The following GALNTL6 variants were observed in gnomAD, a reference collection of about 807,000 sequenced individuals.
GALNTL6 encodes the protein polypeptide N-acetylgalactosaminyltransferase like 6.
Under a neutral mutation model 73.7 loss-of-function variants are expected in GALNTL6, and 46 were observed. That is an observed-to-expected ratio of 0.62 (90% CI 0.49 to 0.80). The LOEUF is 0.80. Ranked by LOEUF, GALNTL6 falls within the 30% of genes least tolerant of loss-of-function variation. The pLI, the probability that GALNTL6 is intolerant of heterozygous loss-of-function variation, is 0.00. For missense variants in GALNTL6, 604 were observed against 755.0 expected, an observed-to-expected ratio of 0.80 and a Z score of 2.34; for synonymous variants, 259 against 263.7, an observed-to-expected ratio of 0.98 and a Z score of 0.17.
chr4:172,089,477 G>A (rs891449575), intron 2 of GALNTL6, among the ~76,000 whole-genome samples: 3 of 152,014 alleles, frequency 2.0e-5, no homozygotes, highest in African/African-American at 7.2e-5. Context: ...TTAGGAAAAA[G>A]GCCATTTTAA....
At chr4:172,547,595 CTTTAGATCATTTTT>C (rs992127067) in intron 5 of GALNTL6, among the ~76,000 whole-genome samples, 11 of 152,046 alleles carry the variant, frequency 7.2e-5, no homozygotes, top group African/African-American at 2.7e-4. Context: ...ACTCAGCAAC[CTTTAGATCATTTTT>C]TTTCCTCCTG....
chr4:172,388,308 G>C (rs1743544397), intron 5 of GALNTL6, among the ~76,000 whole-genome samples: 1 of 152,084 alleles, frequency 6.6e-6, no homozygotes, highest in Admixed American at 6.5e-5. Context: ...CCATACATTG[G>C]TCAATTTAAA....
intron 2 of GALNTL6, among the ~76,000 whole-genome samples, chr4:172,219,689 C>T (rs1268524216): frequency 1.3e-5 from 2 of 151,882 alleles, no homozygotes; most frequent in African/African-American, 2.4e-5. Context: ...CGGTCCAAGA[C>T]CCTTTTAAGA....
At chr4:171,939,290 A>AT (rs1363002943) in intron 2 of GALNTL6, among the ~76,000 whole-genome samples, 9 of 151,634 alleles carry the variant, frequency 5.9e-5, no homozygotes, top group East Asian at 1.9e-4. Context: ...CAATATACTG[A>AT]TTTTTTTTGA....
chr4:172,152,664 A>T (rs1307701382), intron 2 of GALNTL6, among the ~76,000 whole-genome samples: 1 of 152,206 alleles, frequency 6.6e-6, no homozygotes, highest in African/African-American at 2.4e-5. Flanking sequence ...GCTGGAGTAC[A>T]GTAGTGAGAT....
At chr4:172,116,059 G>T (rs909465946) in intron 2 of GALNTL6, among the ~76,000 whole-genome samples, 1 of 151,908 alleles carries the variant, frequency 6.6e-6, no homozygotes, top group African/African-American at 2.4e-5. Flanking sequence ...TTAAAAATGA[G>T]TTGATGTCTA....
At chr4:171,872,823 G>C (rs1736174894) in intron 2 of GALNTL6, among the ~76,000 whole-genome samples, 1 of 152,138 alleles carries the variant, frequency 6.6e-6, no homozygotes, top group African/African-American at 2.4e-5. Context: ...TCCAAATAAG[G>C]TCACATTCTG....
At chr4:171,919,704 G>A (rs1193537785) in intron 2 of GALNTL6, among the ~76,000 whole-genome samples, 1 of 151,942 alleles carries the variant, frequency 6.6e-6, no homozygotes, top group Admixed American at 6.6e-5. Flanking sequence ...AAGAAAGAAA[G>A]GATAAAGAAG....
chr4:172,207,054 T>G (rs961737117), intron 2 of GALNTL6, among the ~76,000 whole-genome samples: 8 of 151,782 alleles, frequency 5.3e-5, no homozygotes, highest in Non-Finnish European at 1.0e-4. Context: ...CCTGACCTCG[T>G]GATCCGCCCC....
intron 5 of GALNTL6, chr4:172,667,391 G>A (rs1254154570): frequency 6.6e-5 from 10 of 152,230 alleles, no homozygotes. Context: ...CACAAAGTTA[G>A]CAGTTAAAGC....
chr4:172,176,032 C>T (rs560945608), intron 2 of GALNTL6, among the ~76,000 whole-genome samples: 177 of 152,156 alleles, frequency 1.2e-3, no homozygotes, highest in African/African-American at 4.0e-3. Context: ...ACAGCCTACT[C>T]CAAAGGACAA....
chr4:172,615,552 CT>C (rs1738693387), intron 5 of GALNTL6, among the ~76,000 whole-genome samples: 2 of 152,150 alleles, frequency 1.3e-5, no homozygotes, highest in African/African-American at 2.4e-5. Flanking sequence ...AATGCTCTTT[CT>C]ATTAAGTTCT....
Position 171,980,473 on chromosome 4 carries a change from T to A in GALNTL6, c.138+165755T>A, listed in dbSNP as rs532526176. ...AGCAACCCAAAATTGATAATGGATT[T>A]GAATTTTTTTGAAATTCAAAAGTGC... On this transcript the variant is annotated intron_variant, in intron 2 of 12. Coordinates refer to ENST00000506823, the MANE Select transcript of GALNTL6 (RefSeq NM_001034845.3). Among the ~76,000 whole-genome samples the A allele has an allele frequency of 5.3e-5, 8 of 152,336 alleles. No homozygotes were observed. In the South Asian group the frequency reaches 1.2e-3, roughly 24 times the overall value.
chr4:171,946,830 AGAAGAGAAGGT>A (rs1738715904), intron 2 of GALNTL6, among the ~76,000 whole-genome samples: 1 of 151,618 alleles, frequency 6.6e-6, no homozygotes, highest in Admixed American at 6.7e-5. Flanking sequence ...GAGAGGGGCC[AGAAGAGAAGGT>A]CTAGAACAAC....
chr4:171,907,645 T>C (rs1737334172), intron 2 of GALNTL6, among the ~76,000 whole-genome samples: 1 of 151,786 alleles, frequency 6.6e-6, no homozygotes, highest in South Asian at 2.1e-4. Context: ...AAAAAACTAC[T>C]TTAAAGTTCA....
chr4:172,998,237 T>C (rs978705574), intron 10 of GALNTL6, among the ~76,000 whole-genome samples: 4 of 152,250 alleles, frequency 2.6e-5, no homozygotes, highest in Admixed American at 6.5e-5. Flanking sequence ...AGAGGTGGAA[T>C]GGATCTGTTT....
At chr4:172,005,291 A>AT (rs34558068) in intron 2 of GALNTL6, among the ~76,000 whole-genome samples, 8 of 151,954 alleles carry the variant, frequency 5.3e-5, no homozygotes, top group Non-Finnish European at 8.8e-5. Context: ...CACCTGGCTA[A>AT]TTTTTTGGTA....
intron 2 of GALNTL6, among the ~76,000 whole-genome samples, chr4:171,833,203 G>C (rs1299871755): frequency 6.6e-6 from 1 of 151,600 alleles, no homozygotes; most frequent in Non-Finnish European, 1.5e-5. Flanking sequence ...AGTATAAATT[G>C]CTTATCATAA....
At chr4:172,491,963 T>A (rs1361865493) in intron 5 of GALNTL6, among the ~76,000 whole-genome samples, 3 of 152,180 alleles carry the variant, frequency 2.0e-5, no homozygotes, top group Non-Finnish European at 4.4e-5. Flanking sequence ...AATGGAAGGC[T>A]GAAATTTCAT....
Sources: gnomAD v4.1 joint callset for allele counts (sites outside exome capture counted in the v4.1 genomes callset) on GRCh38, gnomAD v4.1.1 for gene constraint, MANE v1.5 for transcripts, NCBI Gene and HGNC (gene_info 2026-07-23, HGNC 2026-07-21) for gene names.